LAMB1: variants seen among roughly 807,000 people sequenced by gnomAD.
LAMB1 encodes the protein laminin subunit beta-1.
Under a neutral mutation model 222.3 loss-of-function variants are expected in LAMB1, and 121 were observed. That is an observed-to-expected ratio of 0.54 (90% CI 0.47 to 0.63). LAMB1 has a LOEUF of 0.63. LAMB1 is among the 30% of genes least tolerant of loss of function. The pLI is 0.00. For synonymous variants in LAMB1, 794 were observed against 807.2 expected, an observed-to-expected ratio of 0.98 and a Z score of 0.28; for missense variants, 2,172 against 2,240.8, an observed-to-expected ratio of 0.97 and a Z score of 0.62.
At chr7:107,936,971 G>C in intron 26 of LAMB1, 122 bp downstream of exon 26, 1 of 778,176 alleles carries the variant, frequency 1.3e-6, no homozygotes. Flanking sequence ...CCAGAAACTG[G>C]ATGAGCAAAA....
chr7:107,928,554 G>A (rs2032623582), intron 31 of LAMB1, among the ~76,000 whole-genome samples: 1 of 151,368 alleles, frequency 6.6e-6, no homozygotes, highest in South Asian at 2.1e-4. Context: ...GTACAGTGGT[G>A]TGATCTCAGC....
chr7:108,002,225 G>A (rs1382121947), intron 2 of LAMB1: 3 of 1,340,724 alleles, frequency 2.2e-6, no homozygotes, highest in Non-Finnish European at 2.0e-6. Context: ...GTGCGTGTGC[G>A]TGCACGCGCG....
chr7:107,995,227 A>T (rs1322644626), intron 4 of LAMB1, among the ~76,000 whole-genome samples: 1 of 152,224 alleles, frequency 6.6e-6, no homozygotes, highest in East Asian at 1.9e-4. Flanking sequence ...CATCTGGCAG[A>T]GTGCCTCTAG....
In LAMB1 at chr7:107,957,116, G is replaced by A. The variant is rs184370270; in HGVS notation, c.2691-1486C>T. Among the ~76,000 whole-genome samples, 203 of 152,256 alleles carry A rather than the reference G, an allele frequency of 1.3e-3. 1 individual carries two copies. Among genetic ancestry groups the A allele is most frequent in the Admixed American group, 2.8e-3 (43 of 15,290 alleles). ...GAAAAGCTGGATATTCCGGCCAGGT[G>A]CGGTGGCTCACCCCTGTAATCCCAG... On this transcript the variant is annotated intron_variant, in intron 20 of 33. Coordinates refer to ENST00000222399, the MANE Select transcript of LAMB1 (RefSeq NM_002291.3).
intron 5 of LAMB1, among the ~76,000 whole-genome samples, chr7:107,992,852 A>G (rs187989956): frequency 5.6e-4 from 86 of 152,270 alleles, no homozygotes; most frequent in African/African-American, 2.0e-3. Flanking sequence ...CCAAGATTGC[A>G]CCACTGCACT....
In LAMB1 at chr7:107,998,349, C is replaced by T; in HGVS notation, c.349+8G>A. On this transcript the variant is annotated splice_region_variant and intron_variant, in intron 4 of 33. Transcript: ENST00000222399. Reference sequence around the variant, plus strand: ...TCAACGGAACTTGTCCCCACACCAACCACATACCATTTTCAGATTGCCACC... The same window carrying T: ...TCAACGGAACTTGTCCCCACACCAATCACATACCATTTTCAGATTGCCACC... 6.2e-7 allele frequency: 1 copy of T among 1,613,892 alleles called. No individual in the cohort carries two copies. The highest frequency in any genetic ancestry group is 8.5e-7 in the Non-Finnish European group (1 of 1,179,942).
intron 24 of LAMB1, among the ~76,000 whole-genome samples, chr7:107,946,717 T>A (rs902969993): frequency 6.6e-6 from 1 of 152,248 alleles, no homozygotes; most frequent in Non-Finnish European, 1.5e-5. Context: ...TCGAATGAAG[T>A]CTGATTTTCT....
At position 107,974,974 on chromosome 7, in the gene LAMB1, G is replaced by A. The variant is rs1314118732; in HGVS notation, c.1482+12C>T. 2.7e-6 allele frequency: 4 copies of A among 1,472,872 alleles called. No homozygotes were observed. The highest frequency in any genetic ancestry group is 3.8e-6 in the Non-Finnish European group (4 of 1,053,900). 91.2% of individuals were successfully genotyped at this position (1,472,872 alleles called of 1,614,324 possible). ...ACCAACCACCCATCCCACGTAATGA[G>A]GATTTACTTACCAGGCACTGGTCAC... On this transcript the variant is annotated intron_variant, in intron 12 of 33. Coordinates refer to ENST00000222399, the MANE Select transcript of LAMB1 (RefSeq NM_002291.3).
At chr7:107,924,513 G>A (rs2032513334) in intron 32 of LAMB1, 124 bp from the exon 33 acceptor site, 1 of 636,690 alleles carries the variant, frequency 1.6e-6, no homozygotes, top group Admixed American at 3.8e-5. Flanking sequence ...TCACTGGTAA[G>A]TAATTTAAAA....
At chr7:107,972,939 T>C in intron 13 of LAMB1, 53 bp downstream of exon 13, 3 of 1,396,040 alleles carry the variant, frequency 2.1e-6, no homozygotes, top group Non-Finnish European at 3.1e-6. Flanking sequence ...TTCCTGTAAG[T>C]CATGACTTTC....
chr7:108,002,406 CAG>C (rs748364582), intron 2 of LAMB1: 15 of 1,314,186 alleles, frequency 1.1e-5, no homozygotes, highest in Middle Eastern at 2.2e-4. Flanking sequence ...CGGAGACAAA[CAG>C]AGATGGTTAA....
intron 3 of LAMB1, among the ~76,000 whole-genome samples, chr7:108,001,146 C>T (rs2034374225): frequency 6.6e-6 from 1 of 152,176 alleles, no homozygotes; most frequent in African/African-American, 2.4e-5. Flanking sequence ...TGCAAGACGC[C>T]TGTCATTGCT....
intron 4 of LAMB1, among the ~76,000 whole-genome samples, chr7:107,996,938 C>A (rs1397745670): frequency 6.6e-6 from 1 of 152,198 alleles, no homozygotes; most frequent in East Asian, 1.9e-4. Flanking sequence ...TCGGGGTACA[C>A]TGCAGATTTA....
chr7:107,986,474 A>G, intron 5 of LAMB1, 111 bp from the exon 6 acceptor site: 2 of 805,832 alleles, frequency 2.5e-6, no homozygotes, highest in South Asian at 4.0e-5. Context: ...TGAACTGCAT[A>G]TGGTTTGTAT....
At chr7:107,987,240 T>C (rs531650631) in intron 5 of LAMB1, among the ~76,000 whole-genome samples, 2 of 152,290 alleles carry the variant, frequency 1.3e-5, no homozygotes, top group African/African-American at 4.8e-5. Context: ...ATGAAATACC[T>C]AGAATTGGTT....
rs1413685339 is a variant in LAMB1 at position 107,962,951 on chromosome 7, A to G, written c.1811T>C (p.Ile604Thr). ...GAYLEFFIDN[I>T]PYSMEYDILI... The stretch of plus-strand genomic sequence containing the variant: ...GATGTCGTACTCCATGGAATATGGT[A>G]TGTTGTCAATGAAAAACTCCAAATA... Residue 604 changes from isoleucine (I) to threonine (T), a missense_variant, in exon 15 of 34, where the codon ATA (isoleucine) becomes ACA (threonine). Transcript: ENST00000222399. 1.2e-6 allele frequency: 2 copies of G among 1,614,010 alleles called. No individual in the cohort carries two copies. The highest frequency in any genetic ancestry group is 2.2e-5 in the South Asian group (2 of 91,072).
chr7:107,937,349 A>T, intron 25 of LAMB1, 72 bp from the exon 26 acceptor site: 1 of 1,192,740 alleles, frequency 8.4e-7, no homozygotes, highest in Non-Finnish European at 1.2e-6. Context: ...CATATTTTCT[A>T]CTAGTACTGT....
intron 21 of LAMB1, among the ~76,000 whole-genome samples, chr7:107,954,380 C>T (rs558582212): frequency 3.3e-5 from 5 of 149,828 alleles, no homozygotes; most frequent in East Asian, 4.0e-4. Context: ...ATCTTGCCCA[C>T]GCTGGTCTCT....
At chr7:107,997,380 G>A (rs139487191) in intron 4 of LAMB1, among the ~76,000 whole-genome samples, 11 of 152,270 alleles carry the variant, frequency 7.2e-5, no homozygotes, top group South Asian at 2.1e-4. Context: ...CTGAGATTGC[G>A]CCATTGCATT....
Sources: gnomAD v4.1 joint callset for allele counts (sites outside exome capture counted in the v4.1 genomes callset) on GRCh38, gnomAD v4.1.1 for gene constraint, MANE v1.5 for transcripts, NCBI Gene and HGNC (gene_info 2026-07-23, HGNC 2026-07-21) for gene names.